PIK3R2: variants seen among roughly 807,000 people sequenced by gnomAD.
PIK3R2 encodes phosphatidylinositol 3-kinase regulatory subunit beta.
PIK3R2 carries 40 observed loss-of-function variants against 78.5 expected under a neutral mutation model. That is an observed-to-expected ratio of 0.51 (90% CI 0.40 to 0.66). PIK3R2 has a LOEUF of 0.66. Ranked by LOEUF, PIK3R2 falls within the 30% of genes least tolerant of loss-of-function variation. PIK3R2 has a pLI of 0.00. For missense variants in PIK3R2, 880 were observed against 1,026.6 expected, an observed-to-expected ratio of 0.86 and a Z score of 1.95; for synonymous variants, 473 against 457.7, an observed-to-expected ratio of 1.03 and a Z score of -0.43.
chr19:18,164,484 AT>A (rs1319216230), intron 11 of PIK3R2, among the ~76,000 whole-genome samples: 11 of 152,210 alleles, frequency 7.2e-5, no homozygotes, highest in African/African-American at 2.7e-4. Context: ...TCTTAAAAAA[AT>A]AAAATAAAAA....
intron 11 of PIK3R2, among the ~76,000 whole-genome samples, chr19:18,164,149 A>T (rs550650357): frequency 4.8e-4 from 73 of 152,240 alleles, no homozygotes; most frequent in Admixed American, 7.2e-4. Context: ...TAATTAAAAT[A>T]AAAAAATAAG....
Position 18,161,393 on chromosome 19 carries a change from C to A in PIK3R2, c.713C>A (p.Ala238Asp), listed in dbSNP as rs1459422337. 1 of 1,227,026 alleles carries A rather than the reference C, an allele frequency of 8.1e-7. No homozygotes were observed. Among genetic ancestry groups the A allele is most frequent in the South Asian group, 3.4e-5 (1 of 29,722 alleles). The allele number at this position is 1,227,026 out of a possible 1,614,324, so 76.0% of individuals were successfully genotyped here. ...HLGRVASRAP[A>D]LGPAVRALGA... ...GGCCGCGTGGCCAGCCGCGCCCCGG[C>A]CCTGGGTCCCGCGGTCCGGGCCCTG... Residue 238 changes from alanine (A) to aspartate (D), a missense_variant, in exon 6 of 16, where the codon GCC (alanine) becomes GAC (aspartate). Transcript: ENST00000222254. The surrounding 1 kb of genome is among the most constrained non-coding windows in gnomAD (Gnocchi z 5.3).
rs2043632752 is a variant in PIK3R2, at chr19:18,153,291, C to G, written c.-427C>G. The G allele has an allele frequency of 1.9e-5, 3 of 155,044 alleles. No homozygotes were observed. In the Admixed American group the frequency reaches 2.0e-4, roughly 10 times the overall value. The allele number at this position is 155,044 out of a possible 1,614,324, so 9.6% of individuals were successfully genotyped here. A position where few individuals can be genotyped will look rare whatever the true frequency, so the allele number is the denominator to read the frequency against. On this transcript the variant is annotated 5_prime_UTR_variant, in exon 1 of 16. Transcript: ENST00000222254. ...GCTGCGGCGGCGGTGGCGGCCGCGACCAGGTGAGTCCTGACTGGCCCTCGT... is the reference window on the plus strand; with the variant it reads ...GCTGCGGCGGCGGTGGCGGCCGCGAGCAGGTGAGTCCTGACTGGCCCTCGT...
chr19:18,164,051 G>C (rs1451446096), intron 11 of PIK3R2, among the ~76,000 whole-genome samples: 1 of 151,972 alleles, frequency 6.6e-6, no homozygotes, highest in African/African-American at 2.4e-5. Context: ...GCTTGAGCCT[G>C]GGAGGCAGAG....
rs766018133 is a variant in PIK3R2 at position 18,162,973 on chromosome 19, CG to C, written c.1119del (p.Asn374ThrfsTer4). On this transcript the variant is annotated frameshift_variant, in exon 10 of 16. Coordinates refer to ENST00000222254, the MANE Select transcript of PIK3R2 (RefSeq NM_005027.4). LOFTEE classifies it high-confidence loss of function. ...CACCCCTCTCCTCCCCCAGGAAAGG[CG>C]GGAACAATAAGCTGATCAAGGTCTT... Reference protein sequence around the residue: ...GEYTLTLRKGGNNKLIKVFHR... With the variant: ...GEYTLTLRKGXNNKLIKVFHR... 1 of 1,613,164 alleles carries C rather than the reference CG, an allele frequency of 6.2e-7. No homozygotes were observed. Among genetic ancestry groups the C allele is most frequent in the Admixed American group, 1.7e-5 (1 of 59,976 alleles).
At position 18,167,338 on chromosome 19, in the gene PIK3R2, C is replaced by A; in HGVS notation, c.1736+32C>A. 6.6e-7 allele frequency: 1 copy of A among 1,512,374 alleles called. No homozygotes were observed. The allele number at this position is 1,512,374 out of a possible 1,614,324, so 93.7% of individuals were successfully genotyped here. On this transcript the variant is annotated intron_variant, in intron 13 of 15. Coordinates refer to ENST00000222254, the MANE Select transcript of PIK3R2 (RefSeq NM_005027.4). This position sits in a 1 kb window ranked among gnomAD's most constrained non-coding sequence, Gnocchi z 4.5. ...GGCGGCTCCATACTTCCCTGCGGCT[C>A]CCTGGCGACTGCTGCGGCACATGGA... is the stretch of plus-strand genomic sequence containing the variant.
Position 18,168,883 on chromosome 19 carries a change from G to C in PIK3R2, c.1966G>C (p.Ala656Pro), listed in dbSNP as rs751033999. 1 of 1,612,706 alleles carries C rather than the reference G, an allele frequency of 6.2e-7. No individual in the cohort carries two copies. Among genetic ancestry groups the C allele is most frequent in the Non-Finnish European group, 8.5e-7 (1 of 1,179,374 alleles). Residue 656 changes from alanine (A) to proline (P), a missense_variant, in exon 15 of 16, where the codon GCC (alanine) becomes CCC (proline). Ala to Pro is a conservative substitution (Grantham distance 27). Transcript: ENST00000222254. This position sits in a 1 kb window ranked among gnomAD's most constrained non-coding sequence, Gnocchi z 4.1. ...IRESSQRGCY[A>P]CSVVVDGDTK... ...CGAGAGCAGCCAGCGGGGCTGCTAC[G>C]CCTGCTCCGTGGTGTGAGTGGACCG... is the stretch of plus-strand genomic sequence containing the variant.
At position 18,156,198 on chromosome 19, in the gene PIK3R2, C is replaced by A; in HGVS notation, c.319C>A (p.Pro107Thr). Residue 107 changes from proline to threonine, a missense_variant, in exon 2 of 16, where the codon CCA (proline) becomes ACA (threonine). Around this residue, in one of 3 missense-constraint regions of PIK3R2, gnomAD observed 456 missense variants for 486.6 expected, o/e 0.94. Transcript: ENST00000222254. The surrounding 1 kb of genome is among the most constrained non-coding windows in gnomAD (Gnocchi z 4.2). ...CAGGCCCCGTGATGGGGCCCCTGAG[C>A]CAGGTGAGCAGCAAGCAGGGGCCCT... is the stretch of plus-strand genomic sequence containing the variant. ...PARPRDGAPE[P>T]GLTLPDLPEQ... 1 of 1,465,898 alleles carries A rather than the reference C, an allele frequency of 6.8e-7. No homozygotes were observed. The highest frequency in any genetic ancestry group is 9.0e-7 in the Non-Finnish European group (1 of 1,115,152). The allele number at this position is 1,465,898 out of a possible 1,614,324, so 90.8% of individuals were successfully genotyped here.
At position 18,156,344 on chromosome 19, in the gene PIK3R2, C is replaced by T. The variant is rs1228345550; in HGVS notation, c.322+143C>T. On this transcript the variant is annotated intron_variant, in intron 2 of 15. Transcript: ENST00000222254. This position sits in a 1 kb window ranked among gnomAD's most constrained non-coding sequence, Gnocchi z 4.2. The stretch of plus-strand genomic sequence containing the variant: ...TTTGACAAGTGTCTTCAGTGCTAGG[C>T]TCAGCAGTGGACACAAGGCCTGTTC... 9 of 653,006 alleles carry T rather than the reference C, an allele frequency of 1.4e-5. No homozygotes were observed. In the South Asian group the frequency reaches 2.0e-4, roughly 14 times the overall value. 40.5% of individuals were successfully genotyped at this position (653,006 alleles called of 1,614,324 possible).
In PIK3R2 at chr19:18,161,662, C is replaced by G. The variant is rs552647871; in HGVS notation, c.815+167C>G. Among the ~76,000 whole-genome samples the G allele has an allele frequency of 1.0e-3, 157 of 152,252 alleles. 1 individual carries two copies. Among genetic ancestry groups the G allele is most frequent in the African/African-American group, 3.6e-3 (151 of 41,572 alleles). ...GGAGCGGAGACCTGGGCTCCTGAGT[C>G]GTGGGACAGAAGGTGAAGGGGCCTA... On this transcript the variant is annotated intron_variant, in intron 6 of 15. Coordinates refer to ENST00000222254, the MANE Select transcript of PIK3R2 (RefSeq NM_005027.4). This position sits in a 1 kb window ranked among gnomAD's most constrained non-coding sequence, Gnocchi z 5.3.
rs10413655 is a variant in PIK3R2 at position 18,167,213 on chromosome 19, C to T, written c.1643C>T (p.Ala548Val). The T allele has an allele frequency of 9.5e-4, 1,529 of 1,611,792 alleles. 9 individuals carry two copies. The highest frequency in any genetic ancestry group is 6.1e-3 in the African/African-American group (455 of 74,840). ...SRTKLEQQLR[A>V]QASDNREIDK... ...ACGAAGCTGGAGCAGCAGCTGCGGG[C>T]CCAGGCCTCGGACAACAGAGAGATC... Residue 548 changes from alanine to valine, a missense_variant, in exon 13 of 16, where the codon GCC (alanine) becomes GTC (valine). This residue lies in a region of PIK3R2 where 268 missense variants were observed against 299.1 expected (regional missense o/e 0.90). Coordinates refer to ENST00000222254, the MANE Select transcript of PIK3R2 (RefSeq NM_005027.4). This position sits in a 1 kb window ranked among gnomAD's most constrained non-coding sequence, Gnocchi z 4.5.
Position 18,168,836 on chromosome 19 carries a change from G to A in PIK3R2, c.1919G>A (p.Arg640Gln), listed in dbSNP as rs141407533. Residue 640 changes from arginine to glutamine, a missense_variant, in exon 15 of 16, where the codon CGG becomes CAG. Physicochemically the swap from Arg to Gln is conservative, Grantham distance 43. Around this residue, in one of 3 missense-constraint regions of PIK3R2, gnomAD observed 268 missense variants for 299.1 expected, o/e 0.90. Transcript: ENST00000222254. The surrounding 1 kb of genome is among the most constrained non-coding windows in gnomAD (Gnocchi z 4.1). ...GCAGAGGAGATGCTGAGTGGCAAGC[G>A]GGATGGCACCTTCCTCATCCGCGAG... Reference protein sequence around the residue: ...TQAEEMLSGKRDGTFLIRESS... With the variant: ...TQAEEMLSGKQDGTFLIRESS... The A allele has an allele frequency of 2.5e-6, 4 of 1,613,676 alleles. No individual in the cohort carries two copies. Among genetic ancestry groups the A allele is most frequent in the African/African-American group, 2.7e-5 (2 of 74,934 alleles).
At position 18,161,934 on chromosome 19, in the gene PIK3R2, C is replaced by G. The variant is rs762121309; in HGVS notation, c.816-32C>G. On this transcript the variant is annotated intron_variant, in intron 6 of 15. Coordinates refer to ENST00000222254, the MANE Select transcript of PIK3R2 (RefSeq NM_005027.4). This position sits in a 1 kb window ranked among gnomAD's most constrained non-coding sequence, Gnocchi z 5.3. ...ACATGCGTGGGCGGACAGGCCCTACCCAGCCCTCACCACACTCCCCTTCCC... is the reference window on the plus strand; with the variant it reads ...ACATGCGTGGGCGGACAGGCCCTACGCAGCCCTCACCACACTCCCCTTCCC... 11 of 1,588,604 alleles carry G rather than the reference C, an allele frequency of 6.9e-6. No individual in the cohort carries two copies. The highest frequency in any genetic ancestry group is 9.5e-6 in the Non-Finnish European group (11 of 1,157,034).
intron 2 of PIK3R2, among the ~76,000 whole-genome samples, chr19:18,159,209 T>G: frequency 7.1e-6 from 1 of 139,944 alleles, no homozygotes; most frequent in Non-Finnish European, 1.5e-5. Flanking sequence ...CAGGCTGGTC[T>G]TGAACTCCTG....
chr19:18,168,481 C>T lies in PIK3R2; in HGVS notation c.1743C>T (p.Leu581=), dbSNP rs2043830699. The T allele has an allele frequency of 3.8e-6, 3 of 780,358 alleles. No individual in the cohort carries two copies. Among genetic ancestry groups the T allele is most frequent in the African/African-American group, 3.4e-5 (2 of 59,124 alleles). The allele number at this position is 780,358 out of a possible 1,614,324, so 48.3% of individuals were successfully genotyped here. ...RKIRDQYLVW[L]TQKGARQKKI... ...CTTTCCTGTTCCTTCTCAGGTGGCTCACCCAGAAAGGCGCCCGGCAGAAGA... is the reference window on the plus strand; with the variant it reads ...CTTTCCTGTTCCTTCTCAGGTGGCTTACCCAGAAAGGCGCCCGGCAGAAGA... Residue 581 remains leucine (L), a synonymous_variant, in exon 14 of 16, where the codon CTC becomes CTT. Transcript: ENST00000222254. This position sits in a 1 kb window ranked among gnomAD's most constrained non-coding sequence, Gnocchi z 4.1.
intron 3 of PIK3R2, 70 bp from the exon 4 acceptor site, chr19:18,160,849 C>T (rs2043734062): frequency 6.5e-7 from 1 of 1,533,868 alleles, no homozygotes; most frequent in Non-Finnish European, 8.8e-7. Flanking sequence ...GGGGGTTGAG[C>T]GGCCAGTCCA....
chr19:18,160,608 C>G (rs370166849), intron 3 of PIK3R2, 45 bp downstream of exon 3: 1 of 1,439,110 alleles, frequency 6.9e-7, no homozygotes, highest in African/African-American at 1.4e-5. Flanking sequence ...GCTTGCTTAC[C>G]TCTAGTGACA....
At position 18,170,029 on chromosome 19, in the gene PIK3R2, C is replaced by T. The variant is rs575257549; in HGVS notation, c.*735C>T. The T allele has an allele frequency of 4.2e-4, 73 of 173,720 alleles. No homozygotes were observed. The highest frequency in any genetic ancestry group is 1.1e-3 in the Admixed American group (18 of 15,758). The allele number at this position is 173,720 out of a possible 1,614,324, so 10.8% of individuals were successfully genotyped here. A position where few individuals can be genotyped will look rare whatever the true frequency, so the allele number is the denominator to read the frequency against. ...TTGGAGGCCAGCCTGGCCAAAATGG[C>T]AAAACCCCGCATCTACTAAAATACA... On this transcript the variant is annotated 3_prime_UTR_variant, in exon 16 of 16. Coordinates refer to ENST00000222254, the MANE Select transcript of PIK3R2 (RefSeq NM_005027.4).
In PIK3R2 at chr19:18,162,078, C is replaced by T. The variant is rs1439017026; in HGVS notation, c.901+27C>T. The T allele has an allele frequency of 2.5e-6, 4 of 1,603,858 alleles. No individual in the cohort carries two copies. In the Admixed American group the frequency reaches 5.0e-5, roughly 20 times the overall value. On this transcript the variant is annotated intron_variant, in intron 7 of 15. Transcript: ENST00000222254. ...TGAGTCCCCTGTATTGCTGTCATTT[C>T]TTCCCGTTGGGGGCCGTAAATACTG...
Sources: gnomAD v4.1 joint callset for allele counts (sites outside exome capture counted in the v4.1 genomes callset) on GRCh38, gnomAD v4.1.1 for gene constraint, gnomAD v4.1.1 regional missense constraint, Gnocchi (gnomAD v3.1) non-coding constraint, MANE v1.5 for transcripts, NCBI Gene and HGNC (gene_info 2026-07-23, HGNC 2026-07-21) for gene names.